The following ATG14 variants were observed in gnomAD, a reference collection of about 807,000 sequenced individuals.
The protein encoded by ATG14 is beclin 1-associated autophagy-related key regulator.
A neutral mutation model predicts 60.4 loss-of-function variants in ATG14; 35 were observed. The ratio of observed to expected loss-of-function variants is 0.58; its 90% CI spans 0.44 to 0.77. ATG14 has a LOEUF of 0.77. Among genes scored for constraint, ATG14 ranks in the 30% least tolerant of loss-of-function variants. ATG14 has a pLI of 0.00. For missense variants in ATG14, 647 were observed against 626.3 expected, an observed-to-expected ratio of 1.03 and a Z score of -0.35; for synonymous variants, 234 against 228.8, an observed-to-expected ratio of 1.02 and a Z score of -0.21.
At chr14:55,384,634 A>C (rs1048641865) in intron 5 of ATG14, among the ~76,000 whole-genome samples, 4 of 152,242 alleles carry the variant, frequency 2.6e-5, no homozygotes, top group African/African-American at 9.6e-5. Flanking sequence ...TGGAAGTAGC[A>C]ATCAGTCTTT....
chr14:55,386,507 T>A (rs552853343), intron 4 of ATG14, among the ~76,000 whole-genome samples: 1 of 152,350 alleles, frequency 6.6e-6, no homozygotes, highest in Middle Eastern at 3.4e-3. Context: ...TGCCTTGGGC[T>A]ATAATCAGAG....
intron 4 of ATG14, among the ~76,000 whole-genome samples, chr14:55,389,629 T>C (rs1401141867): frequency 3.9e-5 from 6 of 152,370 alleles, no homozygotes; most frequent in African/African-American, 9.6e-5. Flanking sequence ...CAGAAATTCA[T>C]GGACTGCAGC....
rs760263395 is a variant in ATG14, at chr14:55,377,936, T to C, written c.1087-32A>G. The C allele has an allele frequency of 3.8e-6, 6 of 1,592,852 alleles. No homozygotes were observed. In the South Asian group the frequency reaches 6.8e-5, roughly 18 times the overall value. On this transcript the variant is annotated intron_variant, in intron 8 of 9. Transcript: ENST00000247178. The stretch of plus-strand genomic sequence containing the variant: ...AAAATTAAAGAATTGGTTAATATTT[T>C]CAACTATTTAACAAAGTAAAAATTA...
intron 1 of ATG14, among the ~76,000 whole-genome samples, chr14:55,408,961 G>A (rs554773126): frequency 1.5e-4 from 23 of 152,220 alleles, no homozygotes; most frequent in Admixed American, 4.6e-4. Context: ...AATGCAATGG[G>A]AGCCAATGAA....
chr14:55,392,600 G>C (rs370429080), intron 3 of ATG14, among the ~76,000 whole-genome samples: 1 of 143,526 alleles, frequency 7.0e-6, no homozygotes, highest in African/African-American at 2.6e-5. Context: ...AGTGAGCCAA[G>C]ATTGTGCCAC....
At chr14:55,387,172 C>G (rs1397969394) in intron 4 of ATG14, among the ~76,000 whole-genome samples, 1 of 152,148 alleles carries the variant, frequency 6.6e-6, no homozygotes, top group Non-Finnish European at 1.5e-5. Context: ...CTCAGTGGTT[C>G]TCCACTGCCC....
chr14:55,391,153 G>A, intron 3 of ATG14, 161 bp from the exon 4 acceptor site: 1 of 547,550 alleles, frequency 1.8e-6, no homozygotes, highest in Non-Finnish European at 3.2e-6. Flanking sequence ...ACGAAAAAGA[G>A]AACGATGTTT....
chr14:55,370,346 A>C (rs1386694201), intron 9 of ATG14, among the ~76,000 whole-genome samples: 2 of 152,240 alleles, frequency 1.3e-5, no homozygotes, highest in Non-Finnish European at 2.9e-5. Flanking sequence ...TAGTGTAATA[A>C]GTAATAAATG....
intron 1 of ATG14, among the ~76,000 whole-genome samples, chr14:55,408,770 C>CA (rs977625928): frequency 2.6e-5 from 4 of 151,364 alleles, no homozygotes; most frequent in South Asian, 2.1e-4. Context: ...GATCCTGTCT[C>CA]AAAAAAAATA....
At chr14:55,402,926 A>AATATATATATATATATATAT (rs71131262) in intron 1 of ATG14, among the ~76,000 whole-genome samples, 1 of 16,402 alleles carries the variant, frequency 6.1e-5, no homozygotes, top group South Asian at 4.0e-3. Context: ...AAAAAAAAAA[A>AATATATATATATATATATAT]ATATATATAT....
chr14:55,367,884 A>G lies in ATG14; in HGVS notation c.*1735T>C, dbSNP rs45508795. On this transcript the variant is annotated 3_prime_UTR_variant, in exon 10 of 10. Coordinates refer to ENST00000247178, the MANE Select transcript of ATG14 (RefSeq NM_014924.5). ...CTACCCAAAACTATACAAAACACCA[A>G]ATATACCATTAGCAAAAGCTATATA... 1.3e-5 allele frequency: 2 copies of G among 152,464 alleles called. No individual in the cohort carries two copies. Among genetic ancestry groups the G allele is most frequent in the Non-Finnish European group, 2.9e-5 (2 of 68,028 alleles). The allele number at this position is 152,464 out of a possible 1,614,324, so 9.4% of individuals were successfully genotyped here. A position where few individuals can be genotyped will look rare whatever the true frequency, so the allele number is the denominator to read the frequency against.
At chr14:55,411,518 G>A in intron 1 of ATG14, 84 bp downstream of exon 1, 1 of 1,336,566 alleles carries the variant, frequency 7.5e-7, no homozygotes, top group Admixed American at 2.3e-5. Context: ...GTGCCCGGAC[G>A]GGGAGCCCCA....
intron 1 of ATG14, among the ~76,000 whole-genome samples, chr14:55,408,327 C>T (rs750239244): frequency 2.2e-4 from 34 of 152,050 alleles, no homozygotes; most frequent in African/African-American, 4.4e-4. Flanking sequence ...TGTTGATGTG[C>T]GCCTGTAGTC....
chr14:55,377,180 C>T (rs1232993160), intron 9 of ATG14, among the ~76,000 whole-genome samples: 5 of 152,112 alleles, frequency 3.3e-5, no homozygotes, highest in Non-Finnish European at 4.4e-5. Context: ...AACCCTGTCT[C>T]TACTAAAAAT....
Position 55,385,923 on chromosome 14 carries a change from G to A in ATG14, c.583C>T (p.Arg195Ter). The change falls in exon 5 of 10, where the codon CGA becomes TGA. Residue 195 changes from arginine to a stop codon, truncating the protein, a stop_gained. Transcript: ENST00000247178. LOFTEE classifies it high-confidence loss of function. The stretch of plus-strand genomic sequence containing the variant: ...GAGGTGAGCTCTAATATATGGGATC[G>A]TCGAAGATTTGCCAGACGCTCATAA... ...SHYERLANLR[R>*]SHILELTSVI... 5 of 1,614,138 alleles carry A rather than the reference G, an allele frequency of 3.1e-6. No individual in the cohort carries two copies. The highest frequency in any genetic ancestry group is 2.2e-5 in the East Asian group (1 of 44,886).
chr14:55,373,985 G>C (rs1396795190), intron 9 of ATG14, among the ~76,000 whole-genome samples: 1 of 152,082 alleles, frequency 6.6e-6, no homozygotes, highest in African/African-American at 2.4e-5. Flanking sequence ...CATAAACTTA[G>C]ATGTGACTCA....
intron 4 of ATG14, among the ~76,000 whole-genome samples, chr14:55,387,303 T>C (rs995737561): frequency 1.3e-5 from 2 of 152,186 alleles, no homozygotes; most frequent in Non-Finnish European, 2.9e-5. Context: ...TTTCAAATCC[T>C]TTCTGCAAGA....
intron 5 of ATG14, among the ~76,000 whole-genome samples, chr14:55,383,617 TAAC>T (rs1000043192): frequency 6.8e-6 from 1 of 147,006 alleles, no homozygotes; most frequent in African/African-American, 2.6e-5. Context: ...CAACAAAAAA[TAAC>T]AAGCCCATCA....
rs1204792828 is a variant in ATG14 at position 55,411,785 on chromosome 14, T to C, written c.38A>G (p.Glu13Gly). The change falls in exon 1 of 10, where the codon GAG (glutamate) becomes GGG (glycine). Residue 13 changes from glutamate to glycine, a missense_variant. Coordinates refer to ENST00000247178, the MANE Select transcript of ATG14 (RefSeq NM_014924.5). ...SPSGKGARAL[E>G]APGCGPRPLA... is the part of the protein sequence containing the mutation. ...CGGCCGGGGCCCGCAGCCAGGAGCC[T>C]CCAGCGCCCGGGCTCCCTTCCCACT... is the stretch of plus-strand genomic sequence containing the variant. 2 of 1,602,750 alleles carry C rather than the reference T, an allele frequency of 1.2e-6. No homozygotes were observed. The highest frequency in any genetic ancestry group is 3.4e-5 in the Admixed American group (2 of 58,558).
Sources: gnomAD v4.1 joint callset for allele counts (sites outside exome capture counted in the v4.1 genomes callset) on GRCh38, gnomAD v4.1.1 for gene constraint, MANE v1.5 for transcripts, NCBI Gene and HGNC (gene_info 2026-07-23, HGNC 2026-07-21) for gene names.